Variants in TRAPPC9 observed in about 807,000 individuals in gnomAD.
TRAPPC9 encodes trafficking protein particle complex subunit 9.
TRAPPC9 carries 83 observed loss-of-function variants against 124.0 expected under a neutral mutation model. The ratio of observed to expected loss-of-function variants is 0.67; its 90% CI spans 0.56 to 0.80. TRAPPC9 has a LOEUF of 0.80. TRAPPC9 is among the 30% of genes least tolerant of loss of function. TRAPPC9 has a pLI of 0.00. For synonymous variants in TRAPPC9, 638 were observed against 617.5 expected, an observed-to-expected ratio of 1.03 and a Z score of -0.49; for missense variants, 1,302 against 1,508.3, an observed-to-expected ratio of 0.86 and a Z score of 2.27.
chr8:139,794,868 T>G (rs1319476907), intron 21 of TRAPPC9, among the ~76,000 whole-genome samples: 1 of 152,178 alleles, frequency 6.6e-6, no homozygotes, highest in Non-Finnish European at 1.5e-5. Context: ...TCATTGGACT[T>G]TTAAGGCCAT....
chr8:140,005,248 A>C (rs762041242), intron 18 of TRAPPC9, among the ~76,000 whole-genome samples: 2 of 152,146 alleles, frequency 1.3e-5, no homozygotes, highest in African/African-American at 2.4e-5. Context: ...ATAAGACTCA[A>C]TGAGTTAAAA....
chr8:140,440,763 C>G (rs892906248), intron 2 of TRAPPC9, among the ~76,000 whole-genome samples: 2 of 152,224 alleles, frequency 1.3e-5, no homozygotes, highest in Admixed American at 1.3e-4. Flanking sequence ...TCCCACGGCT[C>G]TGGCTTCCCC....
intron 19 of TRAPPC9, among the ~76,000 whole-genome samples, chr8:139,942,932 A>G (rs1300061441): frequency 6.6e-6 from 1 of 152,236 alleles, no homozygotes; most frequent in Admixed American, 6.5e-5. Flanking sequence ...GCAGGAGTCC[A>G]GAATGTTGTA....
chr8:139,928,604 GC>G (rs1022463562), intron 19 of TRAPPC9, among the ~76,000 whole-genome samples: 4 of 151,954 alleles, frequency 2.6e-5, no homozygotes, highest in African/African-American at 9.7e-5. Flanking sequence ...AAAGCCCACA[GC>G]ATCGACCGAC....
At chr8:140,329,382 A>C (rs2066834063) in intron 9 of TRAPPC9, among the ~76,000 whole-genome samples, 1 of 152,210 alleles carries the variant, frequency 6.6e-6, no homozygotes, top group Non-Finnish European at 1.5e-5. Context: ...CAGCAGCAAC[A>C]AATTAAAAAT....
intron 21 of TRAPPC9, among the ~76,000 whole-genome samples, chr8:139,804,202 C>T (rs1373429864): frequency 2.1e-5 from 3 of 143,620 alleles, no homozygotes; most frequent in East Asian, 2.1e-4. Flanking sequence ...CAAGCACCAC[C>T]GCCACCACCC....
intron 8 of TRAPPC9, among the ~76,000 whole-genome samples, chr8:140,362,650 C>T (rs747100832): frequency 4.6e-5 from 7 of 152,124 alleles, no homozygotes; most frequent in Non-Finnish European, 8.8e-5. Flanking sequence ...GAGAGAAAGA[C>T]GAGTCCCTGC....
chr8:140,097,658 T>G lies in TRAPPC9; in HGVS notation c.2557-73579A>C, dbSNP rs1195051583. ...AGGATAAGAATGCCCAGCTGGATCT[T>G]GGGGTGCACAGCCCCAGCTGTGCCG... On this transcript the variant is annotated intron_variant, in intron 17 of 22. Coordinates refer to ENST00000438773, the MANE Select transcript of TRAPPC9 (RefSeq NM_001160372.4). The surrounding 1 kb of genome is among the most constrained non-coding windows in gnomAD (Gnocchi z 4.2). 1 of 152,148 alleles carries G rather than the reference T, an allele frequency of 6.6e-6. No individual in the cohort carries two copies. 9.4% of individuals were successfully genotyped at this position (152,148 alleles called of 1,614,324 possible).
chr8:140,109,079 T>C (rs2060717698), intron 17 of TRAPPC9, among the ~76,000 whole-genome samples: 1 of 152,186 alleles, frequency 6.6e-6, no homozygotes, highest in Non-Finnish European at 1.5e-5. Context: ...GATTCCAAAA[T>C]GCCTCTAGGT....
chr8:139,858,066 G>A (rs1287765033), intron 21 of TRAPPC9, among the ~76,000 whole-genome samples: 1 of 152,210 alleles, frequency 6.6e-6, no homozygotes, highest in Admixed American at 6.5e-5. Flanking sequence ...TCAGAAGTGG[G>A]ACCAAAGCAT....
chr8:140,333,151 G>C (rs1588164888), intron 9 of TRAPPC9, among the ~76,000 whole-genome samples: 1 of 149,454 alleles, frequency 6.7e-6, no homozygotes, highest in Non-Finnish European at 1.5e-5. Flanking sequence ...AAAAAGAAAA[G>C]AATGAAAAGA....
In TRAPPC9 at chr8:139,850,240, G is replaced by T. The variant is rs531210523; in HGVS notation, c.3055+35639C>A. ...ACTAGAATTTTTGAATGTCTACCAT[G>T]GGCTGATCACAGTGGTAATTATTTT... On this transcript the variant is annotated intron_variant, in intron 21 of 22. Transcript: ENST00000438773. Among the ~76,000 whole-genome samples, 7 of 152,340 alleles carry T rather than the reference G, an allele frequency of 4.6e-5. No homozygotes were observed. The East Asian group carries it at 1.2e-3, about 25-fold the overall frequency.
chr8:140,413,833 C>A (rs2069797718), intron 5 of TRAPPC9, among the ~76,000 whole-genome samples: 3 of 151,818 alleles, frequency 2.0e-5, no homozygotes, highest in Admixed American at 2.0e-4. Flanking sequence ...CTACAAAGGA[C>A]ATGAACTCAT....
intron 19 of TRAPPC9, among the ~76,000 whole-genome samples, chr8:139,976,181 G>C (rs959353643): frequency 1.3e-5 from 2 of 151,972 alleles, no homozygotes; most frequent in Admixed American, 1.3e-4. Context: ...GTGAGCCACC[G>C]CGCCTGGCCA....
intron 20 of TRAPPC9, among the ~76,000 whole-genome samples, chr8:139,897,407 C>T (rs1211392768): frequency 1.3e-5 from 2 of 152,190 alleles, no homozygotes; most frequent in African/African-American, 2.4e-5. Flanking sequence ...CTTGGCCTCC[C>T]CGTGGGAAAA....
At chr8:139,752,807 C>G (rs1819418032) in intron 21 of TRAPPC9, among the ~76,000 whole-genome samples, 1 of 151,322 alleles carries the variant, frequency 6.6e-6, no homozygotes, top group African/African-American at 2.4e-5. Context: ...CCACTACCAT[C>G]TATCCACCAT....
chr8:140,255,057 C>G (rs2064217195), intron 15 of TRAPPC9, among the ~76,000 whole-genome samples: 1 of 152,198 alleles, frequency 6.6e-6, no homozygotes. Flanking sequence ...GAGGTGTGCT[C>G]GACCATGGCA....
intron 17 of TRAPPC9, among the ~76,000 whole-genome samples, chr8:140,041,933 T>C (rs933035919): frequency 2.0e-5 from 3 of 151,696 alleles, no homozygotes; most frequent in African/African-American, 7.3e-5. Context: ...ATCGCACCAC[T>C]GTACTCCAGC....
At chr8:140,142,990 C>T (rs1177101913) in intron 17 of TRAPPC9, among the ~76,000 whole-genome samples, 5 of 152,124 alleles carry the variant, frequency 3.3e-5, no homozygotes, top group African/African-American at 1.2e-4. Context: ...ACCATATCAC[C>T]CAAACTACAT....
Sources: gnomAD v4.1 joint callset for allele counts (sites outside exome capture counted in the v4.1 genomes callset) on GRCh38, gnomAD v4.1.1 for gene constraint, Gnocchi (gnomAD v3.1) non-coding constraint, MANE v1.5 for transcripts, NCBI Gene and HGNC (gene_info 2026-07-23, HGNC 2026-07-21) for gene names.